Variants in SMARCA2 observed in about 807,000 individuals in gnomAD.
The protein encoded by SMARCA2 is SWI/SNF-related matrix-associated actin-dependent regulator of chromatin subfamily A member 2.
A neutral mutation model predicts 199.8 loss-of-function variants in SMARCA2; 61 were observed. The ratio of observed to expected loss-of-function variants is 0.31; its 90% CI spans 0.25 to 0.38. The LOEUF (loss-of-function observed/expected upper bound fraction) is 0.38, where lower values mean the gene tolerates loss of function less well. Among genes scored for constraint, SMARCA2 ranks in the 10% least tolerant of loss-of-function variants. The pLI, the probability that SMARCA2 is intolerant of heterozygous loss-of-function variation, is 1.00. For synonymous variants in SMARCA2, 935 were observed against 732.0 expected (o/e 1.28, Z -4.48); for missense variants, 1,344 against 2,012.2 (o/e 0.67, Z 6.35).
intron 19 of SMARCA2, among the ~76,000 whole-genome samples, chr9:2,093,903 A>C (rs1822164934): frequency 6.6e-6 from 1 of 152,248 alleles, no homozygotes; most frequent in Non-Finnish European, 1.5e-5. Flanking sequence ...GCATATAGTA[A>C]TTCATAAATA....
rs772608113 is a variant in SMARCA2, at chr9:2,054,807, A to C, written c.1173+84A>C. On this transcript the variant is annotated intron_variant, in intron 6 of 33. Coordinates refer to ENST00000349721, the MANE Select transcript of SMARCA2 (RefSeq NM_003070.5). Reference sequence around the variant, plus strand: ...GTGTTATCTGTGTTGCCTTTAGTCTATTCAATATTGTTACAAAGATATAAA... The same window carrying C: ...GTGTTATCTGTGTTGCCTTTAGTCTCTTCAATATTGTTACAAAGATATAAA... The C allele has an allele frequency of 8.3e-5, 115 of 1,386,684 alleles. 1 individual carries two copies. The highest frequency in any genetic ancestry group is 6.8e-5 in the Non-Finnish European group (68 of 993,898). The allele number at this position is 1,386,684 out of a possible 1,614,324, so 85.9% of individuals were successfully genotyped here.
At chr9:2,049,125 C>A (rs1820009862) in intron 5 of SMARCA2, among the ~76,000 whole-genome samples, 1 of 152,054 alleles carries the variant, frequency 6.6e-6, no homozygotes. Flanking sequence ...ATGTGAACTA[C>A]CCTTAGAAGA....
chr9:2,166,500 T>G (rs1028034883), intron 28 of SMARCA2, among the ~76,000 whole-genome samples: 9 of 152,190 alleles, frequency 5.9e-5, no homozygotes, highest in Non-Finnish European at 1.2e-4. Flanking sequence ...AAGCATAATT[T>G]TTTTGAACCT....
At chr9:2,098,557 T>A (rs1822368466) in intron 21 of SMARCA2, among the ~76,000 whole-genome samples, 1 of 151,952 alleles carries the variant, frequency 6.6e-6, no homozygotes, top group Non-Finnish European at 1.5e-5. Context: ...CCCATAGACA[T>A]AGGAGAGAGT....
At chr9:2,077,588 G>A (rs371599543) in intron 13 of SMARCA2, 41 bp from the exon 14 acceptor site, 130 of 1,587,404 alleles carry the variant, frequency 8.2e-5, no homozygotes, top group South Asian at 3.0e-4. Flanking sequence ...ACACATGCAC[G>A]CACATGTCTG....
intron 14 of SMARCA2, among the ~76,000 whole-genome samples, chr9:2,081,413 G>T (rs534131732): frequency 6.6e-6 from 1 of 152,248 alleles, no homozygotes; most frequent in East Asian, 1.9e-4. Context: ...TTCACTGAGG[G>T]GACCTCACCC....
chr9:2,029,999 T>C (rs773432992), intron 2 of SMARCA2, among the ~76,000 whole-genome samples: 35 of 152,208 alleles, frequency 2.3e-4, no homozygotes, highest in Admixed American at 4.6e-4. Context: ...CAGTTTGCTT[T>C]GAAAGTAAGC....
At position 2,037,330 on chromosome 9, in the gene SMARCA2, A is replaced by G. The variant is rs150323738; in HGVS notation, c.356-2136A>G. Among the ~76,000 whole-genome samples the G allele has an allele frequency of 3.8e-3, 575 of 152,350 alleles. 1 individual carries two copies. The highest frequency in any genetic ancestry group is 0.015 in the South Asian group (71 of 4,828). On this transcript the variant is annotated intron_variant, in intron 3 of 33. Transcript: ENST00000349721. The stretch of plus-strand genomic sequence containing the variant: ...TTTTCTTGGCTAATTTATATAACCA[A>G]CTAAAACTGTAATCACTGCATGGTG...
intron 29 of SMARCA2, among the ~76,000 whole-genome samples, chr9:2,171,022 T>A (rs1460131304): frequency 6.6e-6 from 1 of 152,212 alleles, no homozygotes; most frequent in Admixed American, 6.5e-5. Context: ...TGGGCCTACC[T>A]GTTGTGTGTA....
At chr9:2,051,104 A>C (rs1820099478) in intron 5 of SMARCA2, among the ~76,000 whole-genome samples, 1 of 152,136 alleles carries the variant, frequency 6.6e-6, no homozygotes, top group Non-Finnish European at 1.5e-5. Flanking sequence ...TCTGGAGAGG[A>C]ACATTATTTA....
intron 2 of SMARCA2, chr9:2,032,725 C>A: frequency 2.7e-6 from 1 of 372,796 alleles, no homozygotes; most frequent in South Asian, 5.0e-5. Flanking sequence ...AAAAAACAAA[C>A]AAACAAACAA....
intron 29 of SMARCA2, among the ~76,000 whole-genome samples, chr9:2,173,432 C>T (rs1043922041): frequency 6.6e-6 from 1 of 152,172 alleles, no homozygotes; most frequent in Non-Finnish European, 1.5e-5. Flanking sequence ...AGCCCAAGCA[C>T]CTCTGCATTT....
At chr9:2,061,281 C>T (rs1024358319) in intron 9 of SMARCA2, among the ~76,000 whole-genome samples, 9 of 152,156 alleles carry the variant, frequency 5.9e-5, no homozygotes, top group Non-Finnish European at 1.0e-4. Flanking sequence ...AAAGGAAAAA[C>T]AGACACAAAT....
intron 32 of SMARCA2, among the ~76,000 whole-genome samples, chr9:2,187,434 G>T (rs556846374): frequency 3.3e-5 from 5 of 152,256 alleles, no homozygotes; most frequent in African/African-American, 1.2e-4. Context: ...CACTCTGGGA[G>T]GCTGAGGCAG....
intron 27 of SMARCA2, among the ~76,000 whole-genome samples, chr9:2,155,437 C>T (rs1252362566): frequency 6.6e-6 from 1 of 152,072 alleles, no homozygotes; most frequent in Non-Finnish European, 1.5e-5. Flanking sequence ...CACGTGCCAC[C>T]ACACCTGGCT....
Position 2,175,131 on chromosome 9 carries a change from C to CT in SMARCA2, c.4253+4660dup, listed in dbSNP as rs1586793018. Among the ~76,000 whole-genome samples, 7 of 152,066 alleles carry CT rather than the reference C, an allele frequency of 4.6e-5. No individual in the cohort carries two copies. The South Asian group carries it at 1.5e-3, about 32-fold the overall frequency. On this transcript the variant is annotated intron_variant, in intron 29 of 33. Coordinates refer to ENST00000349721, the MANE Select transcript of SMARCA2 (RefSeq NM_003070.5). ...GAGGAAGCTGCGGGTCATCCGGTGT[C>CT]TGTCTGTCATCACATTTAGTCAGAT...
chr9:2,179,002 A>G (rs781556011), intron 29 of SMARCA2, among the ~76,000 whole-genome samples: 10 of 152,208 alleles, frequency 6.6e-5, no homozygotes, highest in Admixed American at 3.9e-4. Flanking sequence ...AGTGTAGTTG[A>G]TATTTAGGAG....
chr9:2,015,885 G>C (rs920368725), intron 1 of SMARCA2: 1 of 152,316 alleles, frequency 6.6e-6, no homozygotes, highest in African/African-American at 2.4e-5. Context: ...GGCCGCAGGA[G>C]GGGGAAGGCC....
At position 2,032,991 on chromosome 9, in the gene SMARCA2, A is replaced by G; in HGVS notation, c.265A>G (p.Ile89Val). ...ACATGACAAGGGGATTGTAGAAGACATCCATTGTGGATCCATGAAGGGCAC... is the reference window on the plus strand; with the variant it reads ...ACATGACAAGGGGATTGTAGAAGACGTCCATTGTGGATCCATGAAGGGCAC... ...GIHDKGIVED[I>V]HCGSMKGTGM... is the part of the protein sequence containing the mutation. Residue 89 changes from isoleucine to valine, a missense_variant, in exon 3 of 34, where the codon ATC becomes GTC. By Grantham distance (29) the Ile-to-Val change is conservative. Around this residue, in one of 18 missense-constraint regions of SMARCA2, gnomAD observed 275 missense variants for 247.5 expected, o/e 1.11. Transcript: ENST00000349721. The G allele has an allele frequency of 6.8e-6, 11 of 1,614,014 alleles. No homozygotes were observed. The highest frequency in any genetic ancestry group is 9.3e-6 in the Non-Finnish European group (11 of 1,179,838).
Sources: gnomAD v4.1 joint callset for allele counts (sites outside exome capture counted in the v4.1 genomes callset) on GRCh38, gnomAD v4.1.1 for gene constraint, gnomAD v4.1.1 regional missense constraint, MANE v1.5 for transcripts, NCBI Gene and HGNC (gene_info 2026-07-23, HGNC 2026-07-21) for gene names.